Variants in NKAIN2 observed in about 807,000 individuals in gnomAD.
NKAIN2 encodes the protein sodium/potassium-transporting ATPase subunit beta-1-interacting protein 2.
NKAIN2 carries 14 observed loss-of-function variants against 32.6 expected under a neutral mutation model. The observed-to-expected ratio is 0.43, with a 90% CI of 0.28 to 0.67. The LOEUF (loss-of-function observed/expected upper bound fraction) is 0.67, where lower values mean the gene tolerates loss of function less well. NKAIN2 is among the 30% of genes least tolerant of loss of function. The probability of loss-of-function intolerance (pLI) is 0.17; values close to 1 mark genes in which losing one functional copy is unlikely to be tolerated. For missense variants in NKAIN2, 198 were observed against 258.3 expected (o/e 0.77, Z 1.60); for synonymous variants, 80 against 87.2 (o/e 0.92, Z 0.46).
At chr6:124,628,411 G>A (rs897968035) in intron 3 of NKAIN2, among the ~76,000 whole-genome samples, 35 of 152,116 alleles carry the variant, frequency 2.3e-4, no homozygotes, top group African/African-American at 7.7e-4. Flanking sequence ...CACAATGATT[G>A]TCTTCATTAT....
intron 1 of NKAIN2, among the ~76,000 whole-genome samples, chr6:123,877,195 G>A (rs1773209036): frequency 6.6e-6 from 1 of 151,918 alleles, no homozygotes; most frequent in South Asian, 2.1e-4. Context: ...AAATTATTCT[G>A]TTTTTATTTT....
At chr6:124,049,195 T>G in intron 1 of NKAIN2, among the ~76,000 whole-genome samples, 1 of 152,078 alleles carries the variant, frequency 6.6e-6, no homozygotes, top group Non-Finnish European at 1.5e-5. Context: ...TAGGTTTTTT[T>G]GAGTCATATG....
chr6:124,645,538 TAAG>T (rs922609374), intron 3 of NKAIN2, among the ~76,000 whole-genome samples: 29 of 152,288 alleles, frequency 1.9e-4, no homozygotes, highest in Admixed American at 1.6e-3. Context: ...TGCCTAATAA[TAAG>T]AAGACTTGCA....
chr6:124,157,497 T>A (rs1272739888), intron 1 of NKAIN2, among the ~76,000 whole-genome samples: 1 of 152,204 alleles, frequency 6.6e-6, no homozygotes, highest in Non-Finnish European at 1.5e-5. Flanking sequence ...GAAGTTGTTT[T>A]CACATTGACC....
At chr6:124,776,185 G>A (rs1232371914) in intron 4 of NKAIN2, among the ~76,000 whole-genome samples, 2 of 152,092 alleles carry the variant, frequency 1.3e-5, no homozygotes, top group Non-Finnish European at 2.9e-5. Context: ...AACTAATTTA[G>A]CTTGGTTATT....
intron 4 of NKAIN2, among the ~76,000 whole-genome samples, chr6:124,713,151 A>G (rs751579905): frequency 2.6e-5 from 4 of 152,174 alleles, no homozygotes; most frequent in Non-Finnish European, 5.9e-5. Flanking sequence ...TAACTCATTA[A>G]TCTTCACAGC....
intron 3 of NKAIN2, among the ~76,000 whole-genome samples, chr6:124,630,832 A>G (rs2114306175): frequency 6.6e-6 from 1 of 152,316 alleles, no homozygotes; most frequent in Non-Finnish European, 1.5e-5. Flanking sequence ...ACAATGTAGC[A>G]CCAGGGAAAA....
At chr6:124,302,156 TG>T (rs2114978812) in intron 2 of NKAIN2, among the ~76,000 whole-genome samples, 1 of 152,338 alleles carries the variant, frequency 6.6e-6, no homozygotes, top group East Asian at 1.9e-4. Context: ...GGAGTTCCCC[TG>T]CACAAGCTCT....
intron 1 of NKAIN2, among the ~76,000 whole-genome samples, chr6:123,915,936 T>C (rs953750076): frequency 6.6e-6 from 1 of 152,178 alleles, no homozygotes. Flanking sequence ...CCATATTTTC[T>C]GCATAGGTGT....
intron 1 of NKAIN2, among the ~76,000 whole-genome samples, chr6:123,981,888 C>T (rs557895148): frequency 3.4e-4 from 51 of 152,128 alleles, no homozygotes; most frequent in African/African-American, 1.2e-3. Flanking sequence ...TCCAGATCAG[C>T]ATATCTTACT....
rs373804609 is a variant in NKAIN2 at position 124,618,249 on chromosome 6, G to A, written c.274-39937G>A. On this transcript the variant is annotated intron_variant, in intron 3 of 6. Transcript: ENST00000368417. ...TCCCAGCACTTTGGGAGGCTGAGCCGGGTGGATCACCTGAGGTCAGGAGTT... is the reference window on the plus strand; with the variant it reads ...TCCCAGCACTTTGGGAGGCTGAGCCAGGTGGATCACCTGAGGTCAGGAGTT... Among the ~76,000 whole-genome samples the A allele has an allele frequency of 1.6e-3, 251 of 152,192 alleles. 4 individuals carry two copies. Among genetic ancestry groups the A allele is most frequent in the African/African-American group, 5.7e-3 (236 of 41,544 alleles).
At chr6:124,161,162 A>C (rs565295281) in intron 1 of NKAIN2, among the ~76,000 whole-genome samples, 1 of 152,124 alleles carries the variant, frequency 6.6e-6, no homozygotes, top group African/African-American at 2.4e-5. Flanking sequence ...ACAGGAAGCA[A>C]TGTGGCTTCT....
intron 4 of NKAIN2, among the ~76,000 whole-genome samples, chr6:124,669,024 G>C (rs1313061717): frequency 6.6e-6 from 1 of 152,074 alleles, no homozygotes; most frequent in Non-Finnish European, 1.5e-5. Context: ...GGGCTGATTT[G>C]GAAGACCCAC....
chr6:124,767,146 G>A (rs757007026), intron 4 of NKAIN2, among the ~76,000 whole-genome samples: 3 of 151,778 alleles, frequency 2.0e-5, no homozygotes, highest in Non-Finnish European at 4.4e-5. Context: ...TGCCCACCTT[G>A]GCCTCCCAAA....
chr6:123,819,496 A>T (rs1435924021), intron 1 of NKAIN2, among the ~76,000 whole-genome samples: 1 of 152,124 alleles, frequency 6.6e-6, no homozygotes, highest in Non-Finnish European at 1.5e-5. Flanking sequence ...ATATGACCTG[A>T]TTTTTCTGCT....
intron 1 of NKAIN2, among the ~76,000 whole-genome samples, chr6:123,840,753 A>G (rs1236305734): frequency 6.6e-6 from 1 of 152,134 alleles, no homozygotes; most frequent in East Asian, 1.9e-4. Context: ...AAATAGTACA[A>G]TAAGACTACA....
At chr6:124,568,822 CAAAAAAAAAAA>C (rs3053601) in intron 3 of NKAIN2, among the ~76,000 whole-genome samples, 5 of 80,504 alleles carry the variant, frequency 6.2e-5, no homozygotes, top group East Asian at 3.9e-4. Flanking sequence ...AGCACTGTGG[CAAAAAAAAAAA>C]AAAAAAAAAA....
At chr6:124,818,340 A>G in intron 5 of NKAIN2, 47 bp from the exon 6 acceptor site, 1 of 979,668 alleles carries the variant, frequency 1.0e-6, no homozygotes, top group Middle Eastern at 2.1e-4. Flanking sequence ...TTGATCATGG[A>G]TGTATATCTC....
intron 3 of NKAIN2, among the ~76,000 whole-genome samples, chr6:124,549,923 C>T (rs1001212369): frequency 2.6e-5 from 4 of 152,226 alleles, no homozygotes; most frequent in South Asian, 2.1e-4. Context: ...CATGAGTCTC[C>T]GTGGTAGAGT....
Sources: gnomAD v4.1 joint callset for allele counts (sites outside exome capture counted in the v4.1 genomes callset) on GRCh38, gnomAD v4.1.1 for gene constraint, MANE v1.5 for transcripts, NCBI Gene and HGNC (gene_info 2026-07-23, HGNC 2026-07-21) for gene names.